UTS2B: variants seen among roughly 807,000 people sequenced by gnomAD.
UTS2B encodes urotensin-2B.
In UTS2B, 21 loss-of-function variants were observed where a neutral mutation model predicts 19.2. That is an observed-to-expected ratio of 1.09 (90% CI 0.78 to 1.58). The LOEUF (loss-of-function observed/expected upper bound fraction) is 1.58. Ranked by LOEUF, UTS2B falls within the 40% of genes most tolerant of loss-of-function variation. The pLI, the probability that UTS2B is intolerant of heterozygous loss-of-function variation, is 0.00. For missense variants in UTS2B, 138 were observed against 130.3 expected, an observed-to-expected ratio of 1.06 and a Z score of -0.29; for synonymous variants, 57 against 50.2, an observed-to-expected ratio of 1.14 and a Z score of -0.58.
At chr3:191,270,543 AG>A (rs1229438757) in intron 8 of UTS2B, among the ~76,000 whole-genome samples, 3 of 152,088 alleles carry the variant, frequency 2.0e-5, no homozygotes, top group Admixed American at 1.3e-4. Context: ...TAAACAAAAA[AG>A]GTTTTTTTTT....
intron 2 of UTS2B, among the ~76,000 whole-genome samples, chr3:191,319,795 G>T (rs1334715090): frequency 6.6e-6 from 1 of 150,882 alleles, no homozygotes; most frequent in African/African-American, 2.4e-5. Context: ...TTGAACCTGG[G>T]AGGCGGAGGT....
intron 8 of UTS2B, 86 bp downstream of exon 8, chr3:191,275,166 T>C: frequency 1.0e-6 from 1 of 1,002,636 alleles, no homozygotes. Flanking sequence ...GATTAAGAAA[T>C]GCCAACTGAA....
In UTS2B at chr3:191,295,386, A is replaced by G. The variant is rs189941291; in HGVS notation, c.-125+9106T>C. Among the ~76,000 whole-genome samples, 20 of 151,758 alleles carry G rather than the reference A, an allele frequency of 1.3e-4. No individual in the cohort carries two copies. In the East Asian group the frequency reaches 3.9e-3, roughly 29 times the overall value. Reference sequence around the variant, plus strand: ...CGACCTGCTCCTTGGAAAACTCCCTAGTTTTCTTTTTTTCTCCTACTTTCC... The same window carrying G: ...CGACCTGCTCCTTGGAAAACTCCCTGGTTTTCTTTTTTTCTCCTACTTTCC... On this transcript the variant is annotated intron_variant, in intron 4 of 8. Coordinates refer to ENST00000340524, the MANE Select transcript of UTS2B (RefSeq NM_198152.5).
intron 4 of UTS2B, 109 bp from the exon 5 acceptor site, chr3:191,282,422 A>G: frequency 2.4e-6 from 1 of 424,124 alleles, no homozygotes; most frequent in East Asian, 3.9e-5. Flanking sequence ...TATGGAGTCA[A>G]TGGCAGGAAG....
chr3:191,303,130 T>C (rs1481523820), intron 4 of UTS2B, among the ~76,000 whole-genome samples: 1 of 152,188 alleles, frequency 6.6e-6, no homozygotes, highest in Admixed American at 6.5e-5. Flanking sequence ...CCATAACCTG[T>C]GGCCGCCTGA....
intron 4 of UTS2B, among the ~76,000 whole-genome samples, chr3:191,292,042 T>G (rs1052512194): frequency 2.0e-5 from 3 of 152,164 alleles, no homozygotes; most frequent in Non-Finnish European, 4.4e-5. Context: ...TCTAATGGTC[T>G]ATTGTGAAAA....
chr3:191,296,299 C>A (rs1316054396), intron 4 of UTS2B, among the ~76,000 whole-genome samples: 1 of 152,008 alleles, frequency 6.6e-6, no homozygotes, highest in Non-Finnish European at 1.5e-5. Context: ...ACACATACTC[C>A]ATTTTAAGCC....
intron 4 of UTS2B, among the ~76,000 whole-genome samples, chr3:191,303,476 A>G (rs1478418971): frequency 1.3e-5 from 2 of 152,148 alleles, no homozygotes; most frequent in Non-Finnish European, 2.9e-5. Context: ...TTGCTCTGAA[A>G]AGGAAGAATT....
the UTS2B span, among the ~76,000 whole-genome samples, chr3:191,336,703 T>C: frequency 1.3e-5 from 2 of 152,220 alleles, no homozygotes; most frequent in African/African-American, 4.8e-5. Context: ...CAGGAATCTG[T>C]AGTTTTTATA....
chr3:191,281,939 C>G (rs1716397947), intron 5 of UTS2B, 148 bp downstream of exon 5: 1 of 624,112 alleles, frequency 1.6e-6, no homozygotes, highest in African/African-American at 1.9e-5. Flanking sequence ...TAATTCTGAC[C>G]AGCAACTACT....
chr3:191,300,691 G>A (rs760657399), intron 4 of UTS2B, among the ~76,000 whole-genome samples: 2 of 152,240 alleles, frequency 1.3e-5, no homozygotes, highest in Non-Finnish European at 2.9e-5. Flanking sequence ...GTGGGGCCTG[G>A]TGGGAGGTGA....
intron 3 of UTS2B, among the ~76,000 whole-genome samples, chr3:191,312,020 C>T (rs376011648): frequency 6.6e-6 from 1 of 151,812 alleles, no homozygotes; most frequent in Non-Finnish European, 1.5e-5. Flanking sequence ...GGTGTGGTGG[C>T]GTGCACCTGT....
chr3:191,329,236 C>G (rs866898157), intron 1 of UTS2B: 1 of 163,216 alleles, frequency 6.1e-6, no homozygotes, highest in Non-Finnish European at 1.3e-5. Context: ...CGGCGCGTCA[C>G]TGAGCACAAA....
the UTS2B span, among the ~76,000 whole-genome samples, chr3:191,342,351 A>G: frequency 5.3e-5 from 8 of 152,284 alleles, no homozygotes; most frequent in East Asian, 1.9e-4. Context: ...ATTGCTCTCA[A>G]TCGTTTAAAG....
chr3:191,301,619 T>C (rs1201370852), intron 4 of UTS2B, among the ~76,000 whole-genome samples: 1 of 151,810 alleles, frequency 6.6e-6, no homozygotes, highest in Non-Finnish European at 1.5e-5. Flanking sequence ...CCCGAGTAGC[T>C]GGGACCACAG....
At chr3:191,275,203 A>G (rs1716196356) in intron 8 of UTS2B, 49 bp downstream of exon 8, 1 of 1,430,270 alleles carries the variant, frequency 7.0e-7, no homozygotes, top group African/African-American at 1.4e-5. Flanking sequence ...AATTACTGCA[A>G]AAATAATCTT....
At position 191,282,190 on chromosome 3, in the gene UTS2B, G is replaced by A. The variant is rs765984489; in HGVS notation, c.-1C>T. 1.8e-5 allele frequency: 29 copies of A among 1,605,966 alleles called. No individual in the cohort carries two copies. The highest frequency in any genetic ancestry group is 1.7e-4 in the South Asian group (15 of 90,122). ...CAGTGCTTGAGAGGATCTTGTTCAT[G>A]TTAAAAAAAACCTTCTGGACTAGCA... On this transcript the variant is annotated 5_prime_UTR_variant, in exon 5 of 9. Coordinates refer to ENST00000340524, the MANE Select transcript of UTS2B (RefSeq NM_198152.5).
At chr3:191,332,460 A>G (rs796713058), upstream of UTS2B, among the ~76,000 whole-genome samples, 28 of 152,310 alleles carry the variant, frequency 1.8e-4, no homozygotes, top group African/African-American at 6.5e-4. Flanking sequence ...ACATCTGTAT[A>G]CTTTTTGTAA....
chr3:191,345,235 A>G, the UTS2B span, among the ~76,000 whole-genome samples: 1 of 152,192 alleles, frequency 6.6e-6, no homozygotes, highest in Admixed American at 6.5e-5. Context: ...TCCCAGCAAA[A>G]AAAGGTTTTG....
Sources: gnomAD v4.1 joint callset for allele counts (sites outside exome capture counted in the v4.1 genomes callset) on GRCh38, gnomAD v4.1.1 for gene constraint, MANE v1.5 for transcripts, NCBI Gene and HGNC (gene_info 2026-07-23, HGNC 2026-07-21) for gene names.